Variants in ABCC6 observed in about 807,000 individuals in gnomAD.
ABCC6 encodes the protein ATP-binding cassette sub-family C member 6.
ABCC6 carries 126 observed loss-of-function variants against 169.5 expected under a neutral mutation model. That is an observed-to-expected ratio of 0.74 (90% CI 0.64 to 0.86). The LOEUF (loss-of-function observed/expected upper bound fraction) is 0.86. Among genes scored for constraint, ABCC6 ranks in the 40% least tolerant of loss-of-function variants. The pLI is 0.00. For synonymous variants in ABCC6, 752 were observed against 814.7 expected (o/e 0.92, Z 1.31); for missense variants, 1,733 against 1,927.2 (o/e 0.90, Z 1.89).
chr16:16,211,200 C>G (rs139114048), intron 6 of ABCC6, among the ~76,000 whole-genome samples: 5,394 of 152,038 alleles, frequency 0.035, 114 homozygotes, highest in African/African-American at 0.046. Flanking sequence ...TCGGGAGTTT[C>G]AGATCAGCCT....
chr16:16,187,055 A>T, intron 14 of ABCC6, 69 bp downstream of exon 14: 1 of 1,393,996 alleles, frequency 7.2e-7, no homozygotes, highest in South Asian at 1.2e-5. Context: ...CTGGCTTGCC[A>T]TTATGGGCTG....
chr16:16,167,715 C>T (rs982928524), intron 22 of ABCC6, among the ~76,000 whole-genome samples: 2 of 152,142 alleles, frequency 1.3e-5, no homozygotes, highest in Admixed American at 6.5e-5. Flanking sequence ...GTGATCCACC[C>T]GCCTCGGCCT....
rs765789199 is a variant in ABCC6 at position 16,185,016 on chromosome 16, A to G, written c.1886T>C (p.Ile629Thr). Residue 629 changes from isoleucine (I) to threonine (T), a missense_variant, in exon 15 of 31, where the codon ATC (isoleucine) becomes ACC (threonine). Coordinates refer to ENST00000205557, the MANE Select transcript of ABCC6 (RefSeq NM_001171.6). ...GGCGAAGGTGGCACTGTGTATGGTG[A>G]TGCAATCCTTCCCGGCAGCTGCAGG... ...SSGSAAGKDC[I>T]TIHSATFAWS... is the part of the protein sequence containing the mutation. 1 of 1,613,558 alleles carries G rather than the reference A, an allele frequency of 6.2e-7. No individual in the cohort carries two copies. Among genetic ancestry groups the G allele is most frequent in the Admixed American group, 1.7e-5 (1 of 59,998 alleles).
intron 21 of ABCC6, among the ~76,000 whole-genome samples, chr16:16,171,960 T>TGGGG (rs2047096620): frequency 2.2e-5 from 1 of 44,898 alleles, no homozygotes; most frequent in Non-Finnish European, 4.2e-5. Context: ...AAATGAGTGG[T>TGGGG]TGGGTGGGTG....
chr16:16,174,932 T>A (rs1045155426), intron 20 of ABCC6, among the ~76,000 whole-genome samples: 4 of 151,260 alleles, frequency 2.6e-5, no homozygotes, highest in African/African-American at 9.7e-5. Context: ...GCTTTTTTTT[T>A]TTAATTTACT....
At chr16:16,170,339 A>T (rs971421247) in intron 21 of ABCC6, among the ~76,000 whole-genome samples, 9 of 151,836 alleles carry the variant, frequency 5.9e-5, no homozygotes, top group African/African-American at 2.2e-4. Context: ...GCCTCAAGTG[A>T]TCCTCCCTCC....
At chr16:16,155,175 T>A in intron 27 of ABCC6, 144 bp from the exon 28 acceptor site, 1 of 928,594 alleles carries the variant, frequency 1.1e-6, no homozygotes, top group Non-Finnish European at 1.6e-6. Flanking sequence ...TCCATCTGTC[T>A]ACCTTTCTAT....
In ABCC6 at chr16:16,201,941, C is replaced by G. The variant is rs1008417923; in HGVS notation, c.1176+60G>C. The G allele has an allele frequency of 5.6e-6, 9 of 1,603,994 alleles. No individual in the cohort carries two copies. The African/African-American group carries it at 6.7e-5, about 12-fold the overall frequency. On this transcript the variant is annotated intron_variant, in intron 9 of 30. Coordinates refer to ENST00000205557, the MANE Select transcript of ABCC6 (RefSeq NM_001171.6). ...TCTCAGCTGCTGATAACATTACTGC[C>G]CGCTCAGTGATACTGCTTTTCCTGG...
At chr16:16,183,669 C>A (rs1056156770) in intron 15 of ABCC6, among the ~76,000 whole-genome samples, 10 of 152,140 alleles carry the variant, frequency 6.6e-5, no homozygotes, top group Admixed American at 2.0e-4. Flanking sequence ...GTGACTGCAT[C>A]CCCCAGGAGT....
intron 23 of ABCC6, among the ~76,000 whole-genome samples, chr16:16,164,684 T>C (rs1268777759): frequency 6.6e-6 from 1 of 152,042 alleles, no homozygotes; most frequent in East Asian, 1.9e-4. Flanking sequence ...AAGCCAGTGG[T>C]TCCTAAACAT....
At chr16:16,207,929 CCATTTGCAAGA>C (rs1414871518) in intron 7 of ABCC6, among the ~76,000 whole-genome samples, 1 of 151,180 alleles carries the variant, frequency 6.6e-6, no homozygotes, top group Non-Finnish European at 1.5e-5. Context: ...TGAGCACTTC[CCATTTGCAAGA>C]CATTTGCAAG....
Position 16,173,233 on chromosome 16 carries a change from C to A in ABCC6, c.2787+51G>T, listed in dbSNP as rs1350087143. The stretch of plus-strand genomic sequence containing the variant: ...TACATTTGGTGGGAAGACTTGGGCC[C>A]CTGGAGGTGGCAGCAGTGGGTGGGG... On this transcript the variant is annotated intron_variant, in intron 21 of 30. Coordinates refer to ENST00000205557, the MANE Select transcript of ABCC6 (RefSeq NM_001171.6). 3.1e-6 allele frequency: 5 copies of A among 1,610,494 alleles called. No individual in the cohort carries two copies. In the East Asian group the frequency reaches 8.9e-5, roughly 29 times the overall value.
intron 4 of ABCC6, among the ~76,000 whole-genome samples, chr16:16,217,490 G>A (rs1312268876): frequency 6.6e-6 from 1 of 151,884 alleles, no homozygotes; most frequent in African/African-American, 2.4e-5. Context: ...TGGAAAGATC[G>A]CTTGAGCCCA....
chr16:16,183,385 G>C (rs28588983), intron 15 of ABCC6, among the ~76,000 whole-genome samples: 4,510 of 151,704 alleles, frequency 0.03, 127 homozygotes, highest in African/African-American at 0.071. Context: ...CCTCCCTCCC[G>C]CTACTCTTGG....
rs2047800178 is a variant in ABCC6, at chr16:16,190,200, A to G, written c.1599T>C (p.Ser533=). Reference sequence around the variant, plus strand: ...ACACTTGGAAGGACACCAGCGACACAGAGAAGAGGAGGCCGGAGGTCCGCA... The same window carrying G: ...ACACTTGGAAGGACACCAGCGACACGGAGAAGAGGAGGCCGGAGGTCCGCA... ...GALRTSGLLF[S]VSLVSFQVST... Residue 533 remains serine (S), a synonymous_variant, in exon 12 of 31, where the codon TCT becomes TCC. Coordinates refer to ENST00000205557, the MANE Select transcript of ABCC6 (RefSeq NM_001171.6). The G allele has an allele frequency of 6.2e-7, 1 of 1,613,890 alleles. No individual in the cohort carries two copies. The highest frequency in any genetic ancestry group is 1.3e-5 in the African/African-American group (1 of 74,900).
At chr16:16,188,705 C>T in intron 13 of ABCC6, 126 bp downstream of exon 13, 1 of 1,357,622 alleles carries the variant, frequency 7.4e-7, no homozygotes, top group Non-Finnish European at 1.0e-6. Context: ...TTTCCAGCTC[C>T]ACACCATCCC....
rs1415268270 is a variant in ABCC6, at chr16:16,150,224, T to G, written c.4421A>C (p.Lys1474Thr). The change falls in exon 31 of 31, where the codon AAG (lysine) becomes ACG (threonine). Residue 1474 changes from lysine (K) to threonine (T), a missense_variant. By Grantham distance (78) the Lys-to-Thr change is moderately conservative (BLOSUM62 -1). Around this residue, in one of 5 missense-constraint regions of ABCC6, gnomAD observed 1,601 missense variants for 1,635.5 expected, o/e 0.98. Transcript: ENST00000205557. ...MDCARVLVMD[K>T]GQVAESGSPA... ...GCTGCCGCTCTCTGCCACCTGCCCC[T>G]TGTCCATGACCAGAACCCTGTGGGG... is the stretch of plus-strand genomic sequence containing the variant. 1 of 1,613,918 alleles carries G rather than the reference T, an allele frequency of 6.2e-7. No homozygotes were observed. The highest frequency in any genetic ancestry group is 8.5e-7 in the Non-Finnish European group (1 of 1,180,028).
At chr16:16,183,972 G>A (rs540395480) in intron 15 of ABCC6, among the ~76,000 whole-genome samples, 1 of 152,146 alleles carries the variant, frequency 6.6e-6, no homozygotes, top group Admixed American at 6.6e-5. Flanking sequence ...AACTGAGGCA[G>A]GTGGATCACT....
intron 26 of ABCC6, 57 bp from the exon 27 acceptor site, chr16:16,157,866 AT>A: frequency 1.3e-6 from 2 of 1,562,902 alleles, no homozygotes; most frequent in South Asian, 2.3e-5. Flanking sequence ...TTCACACAAG[AT>A]GGCCCACCTC....
Sources: gnomAD v4.1 joint callset for allele counts (sites outside exome capture counted in the v4.1 genomes callset) on GRCh38, gnomAD v4.1.1 for gene constraint, gnomAD v4.1.1 regional missense constraint, MANE v1.5 for transcripts, NCBI Gene and HGNC (gene_info 2026-07-23, HGNC 2026-07-21) for gene names.